The following COL11A1 variants were observed in gnomAD, a reference collection of about 807,000 sequenced individuals.
The protein encoded by COL11A1 is collagen alpha-1(XI) chain.
COL11A1 carries 74 observed loss-of-function variants against 265.2 expected under a neutral mutation model. The ratio of observed to expected loss-of-function variants is 0.28; its 90% CI spans 0.23 to 0.34. COL11A1 has a LOEUF of 0.34. Among genes scored for constraint, COL11A1 ranks in the 10% least tolerant of loss-of-function variants. The probability of loss-of-function intolerance (pLI) is 1.00; values close to 1 mark genes in which losing one functional copy is unlikely to be tolerated. For synonymous variants in COL11A1, 816 were observed against 727.6 expected, an observed-to-expected ratio of 1.12 and a Z score of -1.96; for missense variants, 2,165 against 2,263.6, an observed-to-expected ratio of 0.96 and a Z score of 0.88.
At chr1:103,047,814 G>A (rs191500398) in intron 4 of COL11A1, among the ~76,000 whole-genome samples, 5 of 152,196 alleles carry the variant, frequency 3.3e-5, no homozygotes, top group African/African-American at 4.8e-5. Flanking sequence ...TAGCATGAAG[G>A]GTTGTTGAAT....
chr1:103,041,682 C>T (rs1464925480), intron 4 of COL11A1, among the ~76,000 whole-genome samples: 3 of 151,744 alleles, frequency 2.0e-5, no homozygotes, highest in Non-Finnish European at 2.9e-5. Context: ...ATATAATCAG[C>T]ATACCTTTAT....
intron 41 of COL11A1, among the ~76,000 whole-genome samples, chr1:102,951,647 G>A (rs2061708): frequency 1.3e-5 from 2 of 152,020 alleles, no homozygotes; most frequent in African/African-American, 4.8e-5. Context: ...GGCTGAGGCA[G>A]GAGAATAGCG....
chr1:103,086,494 G>T (rs1176472767), intron 1 of COL11A1, among the ~76,000 whole-genome samples: 1 of 152,106 alleles, frequency 6.6e-6, no homozygotes, highest in Admixed American at 6.5e-5. Context: ...TCGGCTCGCT[G>T]CAAGCCCCGC....
chr1:102,890,385 C>A (rs112133794), intron 58 of COL11A1, 66 bp downstream of exon 58: 14 of 1,373,908 alleles, frequency 1.0e-5, no homozygotes, highest in African/African-American at 8.9e-5. Context: ...TTTTAATCTG[C>A]AAAAGCAGGG....
At chr1:102,938,998 TA>T (rs1338899248) in intron 44 of COL11A1, 36 bp downstream of exon 44, 1 of 1,586,916 alleles carries the variant, frequency 6.3e-7, no homozygotes, top group African/African-American at 1.3e-5. Flanking sequence ...AGTTGTTAAA[TA>T]AATAATGTTC....
intron 15 of COL11A1, among the ~76,000 whole-genome samples, chr1:103,007,964 C>T (rs977840987): frequency 6.6e-6 from 1 of 151,452 alleles, no homozygotes; most frequent in African/African-American, 2.4e-5. Flanking sequence ...AGGCATGGGC[C>T]AACAATAACA....
At chr1:102,945,893 C>T (rs1200875808) in intron 42 of COL11A1, among the ~76,000 whole-genome samples, 1 of 151,394 alleles carries the variant, frequency 6.6e-6, no homozygotes, top group African/African-American at 2.4e-5. Context: ...TTTATTGCGG[C>T]ACTATTCACA....
intron 28 of COL11A1, 39 bp from the exon 29 acceptor site, chr1:102,989,610 A>G (rs370124496): frequency 6.6e-6 from 9 of 1,356,428 alleles, no homozygotes. Flanking sequence ...GAGTTTAATC[A>G]GTCCTTTGGA....
intron 30 of COL11A1, 150 bp downstream of exon 30, chr1:102,987,483 T>A (rs920672732): frequency 1.4e-6 from 1 of 722,126 alleles, no homozygotes; most frequent in African/African-American, 1.8e-5. Flanking sequence ...GAAACGTAAA[T>A]GTAATGGTTG....
At chr1:103,049,658 A>G (rs1669621962) in intron 4 of COL11A1, among the ~76,000 whole-genome samples, 1 of 152,104 alleles carries the variant, frequency 6.6e-6, no homozygotes, top group South Asian at 2.1e-4. Flanking sequence ...TCAGCTGGCT[A>G]TTTTGCTCAT....
intron 1 of COL11A1, among the ~76,000 whole-genome samples, chr1:103,086,809 C>CTT (rs35530457): frequency 1.3e-5 from 2 of 149,388 alleles, no homozygotes; most frequent in African/African-American, 4.9e-5. Flanking sequence ...TCAACCAAGC[C>CTT]TTTTTTTTTT....
chr1:103,058,047 G>A (rs1442334346), intron 4 of COL11A1, among the ~76,000 whole-genome samples: 2 of 152,142 alleles, frequency 1.3e-5, no homozygotes, highest in Non-Finnish European at 2.9e-5. Context: ...CCAACAGAAG[G>A]CTGTTTTGTT....
chr1:103,075,604 G>T (rs1571222410), intron 3 of COL11A1, among the ~76,000 whole-genome samples: 2 of 152,204 alleles, frequency 1.3e-5, no homozygotes, highest in East Asian at 3.9e-4. Context: ...TAAAATGGTG[G>T]GTTTTATTAA....
At chr1:102,923,818 AAAGGTT>A (rs1424422573) in intron 46 of COL11A1, among the ~76,000 whole-genome samples, 2 of 152,090 alleles carry the variant, frequency 1.3e-5, no homozygotes, top group Non-Finnish European at 2.9e-5. Context: ...AATACATTTC[AAAGGTT>A]ATAAATATCT....
At position 102,940,843 on chromosome 1, in the gene COL11A1, C is replaced by T. The variant is rs558903951; in HGVS notation, c.3277-409G>A. ...CTCATATGTCCAACTTTGCCATATG[C>T]TTTATATGTTTCATATGTAACTTTC... On this transcript the variant is annotated intron_variant, in intron 42 of 66. Coordinates refer to ENST00000370096, the MANE Select transcript of COL11A1 (RefSeq NM_001854.4). Among the ~76,000 whole-genome samples the T allele has an allele frequency of 5.3e-5, 8 of 152,166 alleles. No individual in the cohort carries two copies. The East Asian group carries it at 1.5e-3, about 29-fold the overall frequency.
chr1:102,929,993 T>TTTTCTA (rs1425136936), intron 46 of COL11A1, among the ~76,000 whole-genome samples: 1 of 152,154 alleles, frequency 6.6e-6, no homozygotes, highest in African/African-American at 2.4e-5. Flanking sequence ...GATTTTGGGC[T>TTTTCTA]GAGACAATGG....
At chr1:103,079,812 A>C (rs1274018989) in intron 2 of COL11A1, among the ~76,000 whole-genome samples, 1 of 151,964 alleles carries the variant, frequency 6.6e-6, no homozygotes, top group Non-Finnish European at 1.5e-5. Context: ...AACAATATCT[A>C]GCCTAATATC....
At chr1:102,918,736 A>G (rs908654947) in intron 49 of COL11A1, among the ~76,000 whole-genome samples, 1 of 152,030 alleles carries the variant, frequency 6.6e-6, no homozygotes, top group African/African-American at 2.4e-5. Flanking sequence ...AATGATTCAG[A>G]TTGACTGAAT....
chr1:103,065,134 T>A (rs1671000416), intron 4 of COL11A1, among the ~76,000 whole-genome samples: 1 of 152,188 alleles, frequency 6.6e-6, no homozygotes, highest in Middle Eastern at 3.4e-3. Context: ...GGTTATATGT[T>A]GGGGTGGGGC....
Sources: gnomAD v4.1 joint callset for allele counts (sites outside exome capture counted in the v4.1 genomes callset) on GRCh38, gnomAD v4.1.1 for gene constraint, MANE v1.5 for transcripts, NCBI Gene and HGNC (gene_info 2026-07-23, HGNC 2026-07-21) for gene names.